LILRA5: variants seen among roughly 807,000 people sequenced by gnomAD.
LILRA5 encodes the protein leukocyte immunoglobulin-like receptor subfamily A member 5.
LILRA5 carries 31 observed loss-of-function variants against 36.3 expected under a neutral mutation model. That is an observed-to-expected ratio of 0.85 (90% CI 0.64 to 1.15). LILRA5 has a LOEUF of 1.15. Ranked by LOEUF, LILRA5 falls within the 50% of genes most tolerant of loss-of-function variation. The probability of loss-of-function intolerance (pLI) is 0.00; values close to 1 mark genes in which losing one functional copy is unlikely to be tolerated. For missense variants in LILRA5, 348 were observed against 377.4 expected, an observed-to-expected ratio of 0.92 and a Z score of 0.64; for synonymous variants, 144 against 144.8, an observed-to-expected ratio of 0.99 and a Z score of 0.04.
rs77253817 is a variant in LILRA5, at chr19:54,310,579, T to C, written c.712+835A>G. 564 of 174,706 alleles carry C rather than the reference T, an allele frequency of 3.2e-3. 8 individuals are homozygous for C. The South Asian group carries it at 0.032, about 10-fold the overall frequency. The allele number at this position is 174,706 out of a possible 1,614,324, so 10.8% of individuals were successfully genotyped here. The stretch of plus-strand genomic sequence containing the variant: ...TAGCTATTGGCAAGAGCAGACCAGG[T>C]CTTAGGGTGAGTGATGGGAGCTGCT... On this transcript the variant is annotated intron_variant, in intron 5 of 6. Transcript: ENST00000432233.
chr19:54,309,996 G>GGC (rs1340922640), intron 5 of LILRA5: 2 of 307,648 alleles, frequency 6.5e-6, no homozygotes, highest in African/African-American at 2.3e-5. Context: ...CCACAGCTGG[G>GGC]GCGCTTCTCT....
At position 54,312,078 on chromosome 19, in the gene LILRA5, G is replaced by A. The variant is rs767349670; in HGVS notation, c.195C>T (p.Ile65=). 3.7e-6 allele frequency: 6 copies of A among 1,614,038 alleles called. No homozygotes were observed. Among genetic ancestry groups the A allele is most frequent in the East Asian group, 2.2e-5 (1 of 44,890 alleles). Residue 65 remains isoleucine, a synonymous_variant, in exon 4 of 7, where the codon ATC becomes ATT. Transcript: ENST00000432233. ...GGGCCTCCAGGGTCCCCTGACACCG[G>A]ATGGTCACAGAGTTCCCCCGGCTGA... ...SVISRGNSVT[I]RCQGTLEAQE...
At chr19:54,307,783 T>A in intron 5 of LILRA5, 35 bp from the exon 6 acceptor site, 2 of 1,595,486 alleles carry the variant, frequency 1.3e-6, no homozygotes, top group South Asian at 1.1e-5. Flanking sequence ...GAAGGAGAAG[T>A]TCTTGAAGCA....
intron 5 of LILRA5, chr19:54,308,408 T>G (rs1456538636): frequency 9.2e-6 from 1 of 108,252 alleles, no homozygotes; most frequent in African/African-American, 3.3e-5. Context: ...TATATATATA[T>G]GGTGTTACAG....
chr19:54,312,003 CTG>C lies in LILRA5; in HGVS notation c.268_269del (p.Gln90GlufsTer85), dbSNP rs1480614566. On this transcript the variant is annotated frameshift_variant, in exon 4 of 7. Transcript: ENST00000432233. LOFTEE classifies it high-confidence loss of function. ...KEGSPEPWDT[Q>X]NPLEPKNKAR... is the part of the protein sequence containing the mutation. Reference sequence around the variant, plus strand: ...CCTTGTTCTTGGGCTCCAGTGGGTTCTGTGTGTCCCAGGGTTCTGGGCTTCCC... The same window carrying C: ...CCTTGTTCTTGGGCTCCAGTGGGTTCTGTGTCCCAGGGTTCTGGGCTTCCC... 1 of 1,614,174 alleles carries C rather than the reference CTG, an allele frequency of 6.2e-7. No homozygotes were observed. Among genetic ancestry groups the C allele is most frequent in the East Asian group, 2.2e-5 (1 of 44,874 alleles).
rs549778756 is a variant in LILRA5 at position 54,312,622 on chromosome 19, C to G, written c.4-1G>C. On this transcript the variant is annotated splice_acceptor_variant, in intron 1 of 6. Transcript: ENST00000432233. LOFTEE classifies it high-confidence loss of function. The stretch of plus-strand genomic sequence containing the variant: ...GTGCAGATGGATGAGACCATGGTGC[C>G]TGGCAGGACAGAGAGACACACAGGG... 7 of 1,614,130 alleles carry G rather than the reference C, an allele frequency of 4.3e-6. No homozygotes were observed. In the South Asian group the frequency reaches 7.7e-5, roughly 18 times the overall value.
chr19:54,308,344 TGTATATATAA>T (rs1333603459), intron 5 of LILRA5: 3 of 52,184 alleles, frequency 5.7e-5, no homozygotes, highest in African/African-American at 1.9e-4. Context: ...TGTATATATA[TGTATATATAA>T]ATATATATAT....
intron 3 of LILRA5, 54 bp from the exon 4 acceptor site, chr19:54,312,202 G>A (rs2081037132): frequency 1.9e-6 from 3 of 1,610,336 alleles, no homozygotes; most frequent in African/African-American, 2.7e-5. Context: ...TCAGATCCCA[G>A]CTCTCAGCCC....
chr19:54,307,623 C>A lies in LILRA5; in HGVS notation c.764-74G>T, dbSNP rs139482377. ...CACCCAGGACCCCTGGATGTCTCCC[C>A]AGGGCACCCATATCATCTTGACAGG... On this transcript the variant is annotated intron_variant, in intron 6 of 6. Transcript: ENST00000432233. The A allele has an allele frequency of 2.7e-3, 4,406 of 1,613,254 alleles. 35 individuals are homozygous for A. The highest frequency in any genetic ancestry group is 0.018 in the Middle Eastern group (107 of 6,058).
chr19:54,308,365 ATATATAT>A (rs2080932793), intron 5 of LILRA5: 3 of 21,902 alleles, frequency 1.4e-4, no homozygotes, highest in African/African-American at 9.0e-4. Context: ...ATATATATAT[ATATATAT>A]ATATATATAT....
In LILRA5 at chr19:54,312,470, G is replaced by C. The variant is rs1033032864; in HGVS notation, c.88+67C>G. On this transcript the variant is annotated intron_variant, in intron 2 of 6. Transcript: ENST00000432233. ...AACCCTGGAGTTTCCTGATAGACAA[G>C]GGCCTCGTTATGGGGTGGGGTCCCT... 1.7e-5 allele frequency: 27 copies of C among 1,613,788 alleles called. No homozygotes were observed. In the African/African-American group the frequency reaches 3.6e-4, roughly 22 times the overall value.
In LILRA5 at chr19:54,307,713, A is replaced by T. The variant is rs2080908411; in HGVS notation, c.748T>A (p.Ser250Thr). 6.2e-7 allele frequency: 1 copy of T among 1,614,014 alleles called. No homozygotes were observed. The highest frequency in any genetic ancestry group is 1.3e-5 in the African/African-American group (1 of 74,900). Residue 250 changes from serine to threonine, a missense_variant, in exon 6 of 7, where the codon TCT becomes ACT. Physicochemically the swap from Ser to Thr is moderately conservative, Grantham distance 58. Coordinates refer to ENST00000432233, the MANE Select transcript of LILRA5 (RefSeq NM_021250.4). ...ADNLSPSQNK[S>T]DSGTASHLQD... is the part of the protein sequence containing the mutation. The stretch of plus-strand genomic sequence containing the variant: ...CCTCACTCACCAGTCCCAGAGTCAG[A>T]CTTGTTTTGTGACGGACTGAGGTTA...
intron 1 of LILRA5, 25 bp from the exon 2 acceptor site, chr19:54,312,646 G>A: frequency 6.2e-7 from 1 of 1,609,728 alleles, no homozygotes; most frequent in East Asian, 2.2e-5. Flanking sequence ...AGACACACAG[G>A]GTGTGGCAGC....
chr19:54,311,725 G>T lies in LILRA5; in HGVS notation c.410-9C>A. ...GGGTTTGTTGTAGAATCCTAGGAGA[G>T]AAGGAGGCACCGTGTTAAATGGGGC... is the stretch of plus-strand genomic sequence containing the variant. On this transcript the variant is annotated splice_polypyrimidine_tract_variant and intron_variant, in intron 4 of 6. Transcript: ENST00000432233. 1 of 1,611,142 alleles carries T rather than the reference G, an allele frequency of 6.2e-7. No homozygotes were observed. The highest frequency in any genetic ancestry group is 1.1e-5 in the South Asian group (1 of 91,062).
intron 1 of LILRA5, 53 bp from the exon 2 acceptor site, chr19:54,312,674 C>G (rs1157547234): frequency 2.6e-6 from 4 of 1,544,846 alleles, no homozygotes; most frequent in Middle Eastern, 1.7e-4. Context: ...CTGGGTCCTT[C>G]TTGTCATAGG....
At chr19:54,307,821 C>G (rs905558019) in intron 5 of LILRA5, 73 bp from the exon 6 acceptor site, 1 of 1,244,306 alleles carries the variant, frequency 8.0e-7, no homozygotes, top group African/African-American at 1.5e-5. Flanking sequence ...CCCCTGAGCT[C>G]TGCATTCTCC....
intron 5 of LILRA5, 54 bp downstream of exon 5, chr19:54,311,360 C>A (rs1309553159): frequency 2.5e-6 from 4 of 1,613,992 alleles, no homozygotes; most frequent in African/African-American, 1.3e-5. Flanking sequence ...TAAAGCTCTC[C>A]ACAACCTGTC....
chr19:54,311,578 C>G lies in LILRA5; in HGVS notation c.548G>C (p.Trp183Ser). Residue 183 changes from tryptophan to serine, a missense_variant, in exon 5 of 7, where the codon TGG becomes TCG. By Grantham distance (177) the Trp-to-Ser change is radical. Coordinates refer to ENST00000432233, the MANE Select transcript of LILRA5 (RefSeq NM_021250.4). ...GGGGGTCAGCTGTGAGTCCAAGGTCCAGGAGAGCTTGTGGTCTCCTTCCTC... is the reference window on the plus strand; with the variant it reads ...GGGGGTCAGCTGTGAGTCCAAGGTCGAGGAGAGCTTGTGGTCTCCTTCCTC... ...LTEEGDHKLS[W>S]TLDSQLTPSG... 1 of 1,614,136 alleles carries G rather than the reference C, an allele frequency of 6.2e-7. No homozygotes were observed. Among genetic ancestry groups the G allele is most frequent in the South Asian group, 1.1e-5 (1 of 91,084 alleles).
intron 5 of LILRA5, 176 bp downstream of exon 5, chr19:54,311,238 G>C (rs2081004218): frequency 1.3e-6 from 2 of 1,494,064 alleles, no homozygotes; most frequent in South Asian, 1.3e-5. Context: ...TTACACGTGT[G>C]AGCCACTGTG....
Sources: gnomAD v4.1 joint callset for allele counts on GRCh38, gnomAD v4.1.1 for gene constraint, MANE v1.5 for transcripts, NCBI Gene and HGNC (gene_info 2026-07-23, HGNC 2026-07-21) for gene names.